SUGCT: variants seen among roughly 807,000 people sequenced by gnomAD.
SUGCT encodes succinyl-CoA:glutarate CoA-transferase.
A neutral mutation model predicts 55.0 loss-of-function variants in SUGCT; 41 were observed. That is an observed-to-expected ratio of 0.74 (90% CI 0.58 to 0.97). The LOEUF (loss-of-function observed/expected upper bound fraction) is 0.97. Among genes scored for constraint, SUGCT ranks in the 50% least tolerant of loss-of-function variants. SUGCT has a pLI of 0.00. For synonymous variants in SUGCT, 187 were observed against 200.4 expected (o/e 0.93, Z 0.56); for missense variants, 568 against 547.8 (o/e 1.04, Z -0.37).
chr7:40,999,491 G>A, the SUGCT span, among the ~76,000 whole-genome samples: 1 of 152,204 alleles, frequency 6.6e-6, no homozygotes, highest in South Asian at 2.1e-4. Flanking sequence ...TATTCATTAG[G>A]AGACTGTAGA....
intron 7 of SUGCT, among the ~76,000 whole-genome samples, chr7:40,245,447 T>A (rs1033972463): frequency 9.5e-5 from 8 of 83,788 alleles, no homozygotes; most frequent in Admixed American, 4.0e-4. Flanking sequence ...TTTTTTTTTT[T>A]TTTTTTTTTT....
In SUGCT at chr7:40,459,098, T is replaced by A; in HGVS notation, c.889-3T>A. On this transcript the variant is annotated splice_polypyrimidine_tract_variant and splice_region_variant and intron_variant, in intron 10 of 13. Coordinates refer to ENST00000335693, the MANE Select transcript of SUGCT (RefSeq NM_001193313.2). The stretch of plus-strand genomic sequence containing the variant: ...ATACTGGAAAATTATTTTTTTCTTT[T>A]AGATCTTGGATTTGCCTGAGTTGAT... 2.5e-6 allele frequency: 4 copies of A among 1,603,096 alleles called. No individual in the cohort carries two copies. The highest frequency in any genetic ancestry group is 3.4e-6 in the Non-Finnish European group (4 of 1,171,590).
Position 40,548,190 on chromosome 7 carries a change from T to C in SUGCT, c.1089+51804T>C, listed in dbSNP as rs556375849. Reference sequence around the variant, plus strand: ...TCTTTCTTCTTTTCTTTCTTTCTTTTTTTTTTTTTTTTTTTTGTGATTAGG... The same window carrying C: ...TCTTTCTTCTTTTCTTTCTTTCTTTCTTTTTTTTTTTTTTTTGTGATTAGG... On this transcript the variant is annotated intron_variant, in intron 12 of 13. Coordinates refer to ENST00000335693, the MANE Select transcript of SUGCT (RefSeq NM_001193313.2). Among the ~76,000 whole-genome samples, 625 of 145,600 alleles carry C rather than the reference T, an allele frequency of 4.3e-3. 2 individuals carry two copies. The highest frequency in any genetic ancestry group is 8.8e-3 in the African/African-American group (346 of 39,246).
intron 11 of SUGCT, among the ~76,000 whole-genome samples, chr7:40,495,792 A>T (rs1164392631): frequency 6.6e-6 from 1 of 152,232 alleles, no homozygotes; most frequent in African/African-American, 2.4e-5. Context: ...AGTAAATCAC[A>T]GTGCAAAGGT....
intron 12 of SUGCT, among the ~76,000 whole-genome samples, chr7:40,726,761 CACACTGT>C (rs1407997088): frequency 6.6e-6 from 1 of 152,158 alleles, no homozygotes; most frequent in Admixed American, 6.5e-5. Flanking sequence ...CGTGAGGACA[CACACTGT>C]ACCTGACTGC....
At chr7:40,807,217 TA>T (rs1293867064) in intron 13 of SUGCT, among the ~76,000 whole-genome samples, 3 of 152,198 alleles carry the variant, frequency 2.0e-5, no homozygotes, top group African/African-American at 4.8e-5. Context: ...ACATTTATAT[TA>T]TTTTTTTATT....
At chr7:40,819,893 T>C (rs1463100288) in intron 13 of SUGCT, among the ~76,000 whole-genome samples, 1 of 152,202 alleles carries the variant, frequency 6.6e-6, no homozygotes, top group Non-Finnish European at 1.5e-5. Flanking sequence ...TGGTTTTAGG[T>C]CTAACATTTA....
At chr7:40,347,435 T>G (rs182765398) in intron 9 of SUGCT, among the ~76,000 whole-genome samples, 11 of 152,346 alleles carry the variant, frequency 7.2e-5, no homozygotes, top group African/African-American at 2.4e-4. Flanking sequence ...TTGCAAGACA[T>G]GAAACTGGTT....
At chr7:40,420,932 G>A (rs1787276253) in intron 9 of SUGCT, among the ~76,000 whole-genome samples, 1 of 152,046 alleles carries the variant, frequency 6.6e-6, no homozygotes, top group South Asian at 2.1e-4. Context: ...ATTGATTAAA[G>A]CCCACTTTCT....
At chr7:40,333,754 G>T (rs1350065563) in intron 9 of SUGCT, among the ~76,000 whole-genome samples, 1 of 72,550 alleles carries the variant, frequency 1.4e-5, no homozygotes, top group Non-Finnish European at 2.4e-5. Context: ...GCATCGACCA[G>T]TGGCTCTTTT....
At chr7:40,966,522 C>G in the SUGCT span, 3 of 152,180 alleles carry the variant, frequency 2.0e-5, no homozygotes, top group Non-Finnish European at 4.4e-5. Context: ...GAGCCTAACT[C>G]TGTGAGGCGG....
chr7:40,488,148 T>C (rs749446703), intron 11 of SUGCT, among the ~76,000 whole-genome samples: 3 of 151,286 alleles, frequency 2.0e-5, no homozygotes, highest in East Asian at 1.9e-4. Context: ...CTTTCTCTCT[T>C]GCTGTCTTCC....
At chr7:40,672,651 T>C (rs955669199) in intron 12 of SUGCT, among the ~76,000 whole-genome samples, 2 of 152,130 alleles carry the variant, frequency 1.3e-5, no homozygotes, top group Admixed American at 1.3e-4. Context: ...AATATATCTT[T>C]ACTCTATCAA....
chr7:40,966,017 G>T, the SUGCT span: 1 of 152,136 alleles, frequency 6.6e-6, no homozygotes, highest in Non-Finnish European at 1.5e-5. Flanking sequence ...CTTTTACACA[G>T]AAACCCTTTT....
At chr7:41,026,681 C>A in the SUGCT span, among the ~76,000 whole-genome samples, 1 of 152,112 alleles carries the variant, frequency 6.6e-6, no homozygotes. Context: ...GGTCTTTATC[C>A]AAATCAAAGG....
chr7:40,453,467 C>T (rs1231468677), intron 10 of SUGCT, among the ~76,000 whole-genome samples: 1 of 152,208 alleles, frequency 6.6e-6, no homozygotes, highest in Non-Finnish European at 1.5e-5. Context: ...CTTGCATATG[C>T]ACTAATTTGA....
intron 4 of SUGCT, among the ~76,000 whole-genome samples, chr7:40,189,315 C>G (rs928079400): frequency 2.6e-5 from 4 of 151,044 alleles, no homozygotes; most frequent in Non-Finnish European, 4.4e-5. Context: ...GCACTCCAGC[C>G]TGGGTGACAG....
At chr7:40,171,964 C>T (rs10235978) in intron 1 of SUGCT, among the ~76,000 whole-genome samples, 1 of 152,168 alleles carries the variant, frequency 6.6e-6, no homozygotes, top group African/African-American at 2.4e-5. Context: ...TTGTGTATCT[C>T]TCTTTCTCTC....
rs557143955 is a variant in SUGCT, at chr7:40,188,353, G to A, written c.227-142G>A. On this transcript the variant is annotated intron_variant, in intron 3 of 13. Transcript: ENST00000335693. The stretch of plus-strand genomic sequence containing the variant: ...GGTGGCTGAGGCAGGAGAATTACCC[G>A]AACCCAGGAGGTAGAGGTTGCAGTG... 145 of 578,844 alleles carry A rather than the reference G, an allele frequency of 2.5e-4. No individual in the cohort carries two copies. The African/African-American group carries it at 2.8e-3, about 11-fold the overall frequency. The allele number at this position is 578,844 out of a possible 1,614,324, so 35.9% of individuals were successfully genotyped here.
Sources: allele counts gnomAD v4.1 joint callset (sites outside exome capture counted in the v4.1 genomes callset), GRCh38; gene constraint gnomAD v4.1.1; transcripts MANE v1.5; gene names NCBI Gene and HGNC (gene_info 2026-07-23, HGNC 2026-07-21).